Variants in PPP1R9A observed in about 807,000 individuals in gnomAD.
PPP1R9A encodes protein phosphatase 1 regulatory subunit 9A.
In PPP1R9A, 59 loss-of-function variants were observed where a neutral mutation model predicts 141.9. The ratio of observed to expected loss-of-function variants is 0.42; its 90% CI spans 0.34 to 0.52. The LOEUF is 0.52. PPP1R9A is among the 20% of genes least tolerant of loss of function. The pLI, the probability that PPP1R9A is intolerant of heterozygous loss-of-function variation, is 0.10. For synonymous variants in PPP1R9A, 500 were observed against 569.7 expected (o/e 0.88, Z 1.74); for missense variants, 1,444 against 1,611.9 (o/e 0.90, Z 1.78).
intron 4 of PPP1R9A, among the ~76,000 whole-genome samples, chr7:95,136,276 T>A (rs760294273): frequency 6.6e-6 from 1 of 152,144 alleles, no homozygotes; most frequent in African/African-American, 2.4e-5. Context: ...TAATAACTTT[T>A]ATAAAGCAAT....
intron 2 of PPP1R9A, among the ~76,000 whole-genome samples, chr7:95,008,408 A>G (rs1364709919): frequency 6.6e-6 from 1 of 152,216 alleles, no homozygotes; most frequent in Non-Finnish European, 1.5e-5. Flanking sequence ...AAGAGGAACA[A>G]TGGATGAAGG....
intron 2 of PPP1R9A, among the ~76,000 whole-genome samples, chr7:94,986,947 A>C (rs963145804): frequency 4.6e-5 from 7 of 152,306 alleles, no homozygotes; most frequent in African/African-American, 1.7e-4. Flanking sequence ...GCTGGCCAGT[A>C]GGGTTTGGGC....
At chr7:94,949,773 G>A (rs1296116795) in intron 2 of PPP1R9A, among the ~76,000 whole-genome samples, 1 of 152,038 alleles carries the variant, frequency 6.6e-6, no homozygotes, top group Admixed American at 6.6e-5. Flanking sequence ...GAATCATAGG[G>A]TGTGATGTTG....
intron 2 of PPP1R9A, among the ~76,000 whole-genome samples, chr7:95,005,732 T>A (rs1206828970): frequency 6.6e-6 from 1 of 152,156 alleles, no homozygotes; most frequent in East Asian, 1.9e-4. Context: ...TTCTTTAAGA[T>A]CTTTGGTTTA....
At chr7:95,283,643 G>A (rs1453332651) in intron 16 of PPP1R9A, among the ~76,000 whole-genome samples, 2 of 152,192 alleles carry the variant, frequency 1.3e-5, no homozygotes, top group Non-Finnish European at 2.9e-5. Flanking sequence ...TGCTGCTTAT[G>A]AGCTAATGTC....
chr7:95,021,543 C>A (rs767139119), intron 2 of PPP1R9A, among the ~76,000 whole-genome samples: 13 of 152,026 alleles, frequency 8.6e-5, no homozygotes, highest in Non-Finnish European at 1.8e-4. Context: ...AAGTCTTTGC[C>A]CATGCCTGTG....
chr7:95,013,925 T>C (rs1804757883), intron 2 of PPP1R9A, among the ~76,000 whole-genome samples: 1 of 152,126 alleles, frequency 6.6e-6, no homozygotes, highest in South Asian at 2.1e-4. Flanking sequence ...CATGTACTCA[T>C]AACCCAGATT....
intron 3 of PPP1R9A, among the ~76,000 whole-genome samples, chr7:95,117,190 T>C (rs1406948285): frequency 6.6e-6 from 1 of 152,130 alleles, no homozygotes; most frequent in Non-Finnish European, 1.5e-5. Flanking sequence ...CCTCTGTCTT[T>C]GCCGTCATTT....
chr7:95,013,997 T>G (rs933318467), intron 2 of PPP1R9A, among the ~76,000 whole-genome samples: 27 of 152,218 alleles, frequency 1.8e-4, no homozygotes, highest in Admixed American at 7.2e-4. Context: ...TCTTTTTTCT[T>G]TTTGAACTAT....
At chr7:95,091,295 G>A (rs1406083801) in intron 2 of PPP1R9A, among the ~76,000 whole-genome samples, 4 of 141,098 alleles carry the variant, frequency 2.8e-5, no homozygotes, top group Admixed American at 1.4e-4. Flanking sequence ...TATTCACAGT[G>A]TATTAGAGTG....
At position 95,198,473 on chromosome 7, in the gene PPP1R9A, G is replaced by A. The variant is rs146875603; in HGVS notation, c.1879G>A (p.Asp627Asn). 1.6e-5 allele frequency: 25 copies of A among 1,587,962 alleles called. No individual in the cohort carries two copies. In the African/African-American group the frequency reaches 2.6e-4, roughly 16 times the overall value. Reference sequence around the variant, plus strand: ...ACAGCACTATGCCCAGTATGATGCCGACGATGACGAGGTCAGTAGTGCTTG... The same window carrying A: ...ACAGCACTATGCCCAGTATGATGCCAACGATGACGAGGTCAGTAGTGCTTG... Reference protein sequence around the residue: ...LEQHYAQYDADDDENTVAELQ... With the variant: ...LEQHYAQYDANDDENTVAELQ... Residue 627 changes from aspartate (D) to asparagine (N), a missense_variant, in exon 6 of 20, where the codon GAC (aspartate) becomes AAC (asparagine). Physicochemically the swap from Asp to Asn is conservative, Grantham distance 23. Transcript: ENST00000433360.
chr7:95,175,802 C>T (rs1414625439), intron 5 of PPP1R9A, among the ~76,000 whole-genome samples: 1 of 152,090 alleles, frequency 6.6e-6, no homozygotes, highest in Admixed American at 6.6e-5. Context: ...GGTTTAATAA[C>T]TTTGACAGGG....
chr7:95,216,928 C>T (rs1793536477), intron 7 of PPP1R9A, among the ~76,000 whole-genome samples: 2 of 152,170 alleles, frequency 1.3e-5, no homozygotes, highest in Admixed American at 6.5e-5. Context: ...GACAATTTGA[C>T]TTCCTCTTTT....
intron 2 of PPP1R9A, among the ~76,000 whole-genome samples, chr7:94,979,947 T>G (rs1224966239): frequency 6.6e-6 from 1 of 152,110 alleles, no homozygotes. Context: ...TATTTACCTG[T>G]AAGGATTGAA....
intron 8 of PPP1R9A, among the ~76,000 whole-genome samples, chr7:95,237,736 T>C (rs1365687182): frequency 2.6e-5 from 4 of 152,078 alleles, no homozygotes; most frequent in Non-Finnish European, 5.9e-5. Context: ...TTATAATATC[T>C]CTCTTGTCCT....
At chr7:95,123,621 C>A (rs1263693647) in intron 4 of PPP1R9A, among the ~76,000 whole-genome samples, 1 of 152,082 alleles carries the variant, frequency 6.6e-6, no homozygotes, top group African/African-American at 2.4e-5. Flanking sequence ...TGAGCTCCAG[C>A]CTGGGGGACA....
At chr7:94,931,157 T>C (rs1197748020) in intron 2 of PPP1R9A, among the ~76,000 whole-genome samples, 1 of 152,190 alleles carries the variant, frequency 6.6e-6, no homozygotes, top group Non-Finnish European at 1.5e-5. Flanking sequence ...TTATTCTTCA[T>C]CAGCAGTAGA....
At chr7:95,118,968 T>A (rs1822023610) in intron 3 of PPP1R9A, among the ~76,000 whole-genome samples, 1 of 140,708 alleles carries the variant, frequency 7.1e-6, no homozygotes. Flanking sequence ...ATCAACAGAG[T>A]GAGACCTTGT....
intron 4 of PPP1R9A, among the ~76,000 whole-genome samples, chr7:95,149,030 A>G (rs1584952785): frequency 1.3e-5 from 2 of 150,996 alleles, no homozygotes; most frequent in African/African-American, 4.8e-5. Flanking sequence ...CCAACAACAT[A>G]TAAAAGGAAT....
Sources: allele counts gnomAD v4.1 joint callset (sites outside exome capture counted in the v4.1 genomes callset), GRCh38; gene constraint gnomAD v4.1.1; transcripts MANE v1.5; gene names NCBI Gene and HGNC (gene_info 2026-07-23, HGNC 2026-07-21).